Variants in CDH13 observed in about 807,000 individuals in gnomAD.
CDH13 encodes the protein cadherin-13.
In CDH13, 24 loss-of-function variants were observed where a neutral mutation model predicts 63.8. The observed-to-expected ratio is 0.38, with a 90% CI of 0.27 to 0.53. CDH13 has a LOEUF of 0.53. CDH13 is among the 20% of genes least tolerant of loss of function. CDH13 has a pLI of 0.85. For synonymous variants in CDH13, 503 were observed against 355.3 expected (o/e 1.42, Z -4.67); for missense variants, 1,049 against 903.1 (o/e 1.16, Z -2.07).
intron 6 of CDH13, among the ~76,000 whole-genome samples, chr16:83,402,754 G>T (rs2091987041): frequency 1.3e-5 from 2 of 152,178 alleles, no homozygotes; most frequent in Non-Finnish European, 2.9e-5. Context: ...ACACCGATCA[G>T]TGTCATTATT....
At chr16:83,281,454 T>A (rs532917755) in intron 5 of CDH13, among the ~76,000 whole-genome samples, 2 of 152,342 alleles carry the variant, frequency 1.3e-5, no homozygotes, top group South Asian at 4.1e-4. Context: ...TTTCTCCACA[T>A]CAGCAATAAG....
chr16:83,208,538 A>C (rs1427667957), intron 4 of CDH13, among the ~76,000 whole-genome samples: 2 of 152,192 alleles, frequency 1.3e-5, no homozygotes, highest in African/African-American at 2.4e-5. Context: ...TGTAACTCCA[A>C]TAATTCCTCT....
intron 2 of CDH13, among the ~76,000 whole-genome samples, chr16:82,965,920 A>G (rs1388691708): frequency 6.6e-6 from 1 of 152,214 alleles, no homozygotes; most frequent in Admixed American, 6.5e-5. Context: ...CTGGTAGCAT[A>G]GCTGCCCAGT....
chr16:83,305,061 C>T (rs930738937), intron 5 of CDH13, among the ~76,000 whole-genome samples: 5 of 152,190 alleles, frequency 3.3e-5, no homozygotes, highest in Admixed American at 2.0e-4. Flanking sequence ...AGAATGCTCT[C>T]AATGTAAGCC....
chr16:83,135,995 A>C (rs566741095), intron 4 of CDH13, among the ~76,000 whole-genome samples: 2 of 152,226 alleles, frequency 1.3e-5, no homozygotes, highest in Non-Finnish European at 2.9e-5. Context: ...CATAGGCATG[A>C]TACAACGGAC....
intron 7 of CDH13, among the ~76,000 whole-genome samples, chr16:83,544,826 T>C (rs570216795): frequency 1.3e-5 from 2 of 152,190 alleles, no homozygotes; most frequent in Non-Finnish European, 2.9e-5. Context: ...GTTCAAAGGG[T>C]ATCTACTAGG....
intron 2 of CDH13, among the ~76,000 whole-genome samples, chr16:82,879,520 ATAT>A (rs1056784258): frequency 1.4e-5 from 2 of 143,916 alleles, no homozygotes; most frequent in African/African-American, 2.5e-5. Context: ...TATTTATAGT[ATAT>A]TAATATTTAA....
chr16:83,576,742 C>T (rs1037594257), intron 7 of CDH13, among the ~76,000 whole-genome samples: 5 of 152,174 alleles, frequency 3.3e-5, no homozygotes, highest in African/African-American at 1.2e-4. Context: ...TTTTGACTTA[C>T]ATTTATGTCA....
chr16:83,002,269 C>G (rs537558658), intron 2 of CDH13, among the ~76,000 whole-genome samples: 14 of 152,180 alleles, frequency 9.2e-5, no homozygotes, highest in South Asian at 4.1e-4. Context: ...AAGAGACACA[C>G]AGAGGAACAA....
intron 3 of CDH13, among the ~76,000 whole-genome samples, chr16:83,072,626 T>C (rs2078043498): frequency 6.6e-6 from 1 of 152,182 alleles, no homozygotes; most frequent in Non-Finnish European, 1.5e-5. Flanking sequence ...AGCTGTGTGA[T>C]CTTAGGTGTT....
chr16:83,298,153 G>A (rs1182415525), intron 5 of CDH13, among the ~76,000 whole-genome samples: 4 of 152,100 alleles, frequency 2.6e-5, no homozygotes. Context: ...TGAGGCGGGA[G>A]GAAAGCTTGA....
chr16:83,210,539 A>G (rs1403943770), intron 4 of CDH13, among the ~76,000 whole-genome samples: 1 of 152,078 alleles, frequency 6.6e-6, no homozygotes, highest in African/African-American at 2.4e-5. Context: ...ATGTTTATTT[A>G]AAAGCCCACC....
intron 2 of CDH13, among the ~76,000 whole-genome samples, chr16:82,865,472 C>G (rs1369096843): frequency 1.3e-5 from 2 of 152,226 alleles, no homozygotes; most frequent in East Asian, 3.8e-4. Flanking sequence ...GGCCCAACAC[C>G]ACGTGTAATA....
chr16:83,597,356 AC>A (rs1487382927), intron 7 of CDH13, among the ~76,000 whole-genome samples: 2 of 152,240 alleles, frequency 1.3e-5, no homozygotes, highest in Non-Finnish European at 2.9e-5. Context: ...AGCTCTGTAA[AC>A]ACTGAGATAA....
At chr16:83,018,125 T>C (rs1470699705) in intron 2 of CDH13, among the ~76,000 whole-genome samples, 2 of 152,178 alleles carry the variant, frequency 1.3e-5, no homozygotes, top group Admixed American at 6.5e-5. Flanking sequence ...CAAACCCCAG[T>C]TCTACAAGTA....
intron 1 of CDH13, among the ~76,000 whole-genome samples, chr16:82,845,547 C>G (rs1394286973): frequency 6.6e-6 from 1 of 152,192 alleles, no homozygotes; most frequent in African/African-American, 2.4e-5. Flanking sequence ...CAGACCTATT[C>G]ATTTACTGTT....
In CDH13 at chr16:82,967,439, C is replaced by T. The variant is rs184182258; in HGVS notation, c.158-64571C>T. 3.0e-4 allele frequency among the ~76,000 whole-genome samples: 45 copies of T among 152,290 alleles called. 1 individual carries two copies. Among genetic ancestry groups the T allele is most frequent in the African/African-American group, 1.0e-3 (43 of 41,560 alleles). On this transcript the variant is annotated intron_variant, in intron 2 of 13. Coordinates refer to ENST00000567109, the MANE Select transcript of CDH13 (RefSeq NM_001257.5). ...AGCTCATACCTGGTTCGTATTTGCG[C>T]CCGCTGAATCCTCAACACCTAGTAC...
intron 2 of CDH13, among the ~76,000 whole-genome samples, chr16:82,922,030 A>T (rs968280909): frequency 6.6e-5 from 10 of 152,138 alleles, no homozygotes; most frequent in Admixed American, 5.2e-4. Flanking sequence ...TATTTCATCT[A>T]AATAGTCTAA....
chr16:83,524,445 C>CTTTTTTTTTTTTTTT (rs150233410), intron 7 of CDH13, among the ~76,000 whole-genome samples: 8 of 59,272 alleles, frequency 1.3e-4, no homozygotes, highest in African/African-American at 2.1e-4. Flanking sequence ...TTTCTTTTTT[C>CTTTTTTTTTTTTTTT]TTTTTTTTTT....
Sources: allele counts gnomAD v4.1 joint callset (sites outside exome capture counted in the v4.1 genomes callset), GRCh38; gene constraint gnomAD v4.1.1; transcripts MANE v1.5; gene names NCBI Gene and HGNC (gene_info 2026-07-23, HGNC 2026-07-21).